The following SH3GL2 variants were observed in gnomAD, a reference collection of about 807,000 sequenced individuals.
SH3GL2 encodes SH3 domain containing GRB2 like 2, endophilin A1, also known as endophilin-A1.
In SH3GL2, 24 loss-of-function variants were observed where a neutral mutation model predicts 46.0. That is an observed-to-expected ratio of 0.52 (90% CI 0.38 to 0.73). The LOEUF (loss-of-function observed/expected upper bound fraction) is 0.73, where lower values mean the gene tolerates loss of function less well. Ranked by LOEUF, SH3GL2 falls within the 30% of genes least tolerant of loss-of-function variation. The pLI, the probability that SH3GL2 is intolerant of heterozygous loss-of-function variation, is 0.00. For missense variants in SH3GL2, 413 were observed against 424.2 expected, an observed-to-expected ratio of 0.97 and a Z score of 0.23; for synonymous variants, 196 against 147.1, an observed-to-expected ratio of 1.33 and a Z score of -2.40.
At chr9:17,756,279 C>T (rs940533977) in intron 2 of SH3GL2, among the ~76,000 whole-genome samples, 1 of 151,704 alleles carries the variant, frequency 6.6e-6, no homozygotes, top group African/African-American at 2.4e-5. Context: ...AAAAAACATG[C>T]CTGTATCTGT....
At chr9:17,659,941 C>T (rs1820174083) in intron 1 of SH3GL2, among the ~76,000 whole-genome samples, 1 of 152,146 alleles carries the variant, frequency 6.6e-6, no homozygotes, top group Non-Finnish European at 1.5e-5. Context: ...TTACTTTCCC[C>T]AGTCTGTAAA....
At chr9:17,723,904 A>G (rs555695523) in intron 1 of SH3GL2, among the ~76,000 whole-genome samples, 29 of 152,032 alleles carry the variant, frequency 1.9e-4, no homozygotes, top group Non-Finnish European at 3.7e-4. Flanking sequence ...GAAATTCATA[A>G]TTTTTCTCTT....
intron 1 of SH3GL2, among the ~76,000 whole-genome samples, chr9:17,651,631 C>A (rs1014506006): frequency 3.9e-5 from 6 of 152,048 alleles, no homozygotes; most frequent in African/African-American, 1.4e-4. Context: ...GTGATAAATT[C>A]TTTCTGCTTT....
intron 1 of SH3GL2, among the ~76,000 whole-genome samples, chr9:17,599,457 T>C (rs758681067): frequency 5.9e-5 from 9 of 152,256 alleles, no homozygotes; most frequent in African/African-American, 9.6e-5. Context: ...CTTTCTGGGA[T>C]CCAGTTAGGC....
chr9:17,622,982 T>TTCCCTTTCCTTTCCG (rs1563786408), intron 1 of SH3GL2, among the ~76,000 whole-genome samples: 1 of 77,262 alleles, frequency 1.3e-5, no homozygotes, highest in East Asian at 4.1e-4. Context: ...TTTCGTTTCC[T>TTCCCTTTCCTTTCCG]TTCGTTTCCT....
intron 1 of SH3GL2, among the ~76,000 whole-genome samples, chr9:17,582,717 T>C (rs1818299265): frequency 6.6e-6 from 1 of 152,250 alleles, no homozygotes; most frequent in South Asian, 2.1e-4. Context: ...GTTTCCCACT[T>C]CTTGAGACAA....
At position 17,620,893 on chromosome 9, in the gene SH3GL2, T is replaced by G. The variant is rs561944389; in HGVS notation, c.45+41606T>G. 5.4e-4 allele frequency among the ~76,000 whole-genome samples: 83 copies of G among 152,294 alleles called. 2 individuals are homozygous for G. In the South Asian group the frequency reaches 0.016, roughly 30 times the overall value. ...AAGGGGGAGGTAAGCAGAGGGGCATTATCTTCAAAATATTTGGAGTCAGTA... is the reference window on the plus strand; with the variant it reads ...AAGGGGGAGGTAAGCAGAGGGGCATGATCTTCAAAATATTTGGAGTCAGTA... On this transcript the variant is annotated intron_variant, in intron 1 of 8. Transcript: ENST00000380607.
intron 1 of SH3GL2, among the ~76,000 whole-genome samples, chr9:17,609,671 T>C (rs1203900596): frequency 6.6e-6 from 1 of 152,258 alleles, no homozygotes; most frequent in Non-Finnish European, 1.5e-5. Flanking sequence ...CGTTTAGATA[T>C]GTACTTGATA....
At chr9:17,666,991 CT>C (rs1413131882) in intron 1 of SH3GL2, among the ~76,000 whole-genome samples, 1 of 151,946 alleles carries the variant, frequency 6.6e-6, no homozygotes, top group Non-Finnish European at 1.5e-5. Flanking sequence ...TTGTCATTTG[CT>C]TTTATTATGT....
intron 1 of SH3GL2, among the ~76,000 whole-genome samples, chr9:17,725,646 C>T (rs1040608776): frequency 2.0e-5 from 3 of 152,096 alleles, no homozygotes; most frequent in Admixed American, 6.6e-5. Flanking sequence ...TGCCTCTCTT[C>T]GTGTGGAATG....
chr9:17,733,690 A>G lies in SH3GL2; in HGVS notation c.46-13376A>G, dbSNP rs192664366. Among the ~76,000 whole-genome samples the G allele has an allele frequency of 4.6e-5, 7 of 152,200 alleles. No individual in the cohort carries two copies. In the East Asian group the frequency reaches 9.7e-4, roughly 21 times the overall value. Reference sequence around the variant, plus strand: ...GCACACATGTGTTTATTGCGGCACTATTCACAATAGCAAAGACTTGGAACC... The same window carrying G: ...GCACACATGTGTTTATTGCGGCACTGTTCACAATAGCAAAGACTTGGAACC... On this transcript the variant is annotated intron_variant, in intron 1 of 8. Transcript: ENST00000380607.
At chr9:17,651,189 T>C (rs1319238712) in intron 1 of SH3GL2, among the ~76,000 whole-genome samples, 1 of 152,200 alleles carries the variant, frequency 6.6e-6, no homozygotes, top group Non-Finnish European at 1.5e-5. Context: ...GAAAAAAATG[T>C]CTAAGCCATT....
intron 5 of SH3GL2, among the ~76,000 whole-genome samples, chr9:17,788,778 G>GT (rs1824034517): frequency 2.6e-5 from 4 of 152,060 alleles, no homozygotes; most frequent in Admixed American, 6.6e-5. Flanking sequence ...CTAAATCACT[G>GT]GATTTAGTTT....
At chr9:17,620,581 T>C (rs1050811881) in intron 1 of SH3GL2, among the ~76,000 whole-genome samples, 6 of 151,870 alleles carry the variant, frequency 4.0e-5, no homozygotes, top group Non-Finnish European at 5.9e-5. Flanking sequence ...CAGAAGAGGG[T>C]TGGTGCAGTA....
intron 1 of SH3GL2, among the ~76,000 whole-genome samples, chr9:17,586,224 C>G (rs753808807): frequency 6.6e-6 from 1 of 152,102 alleles, no homozygotes; most frequent in African/African-American, 2.4e-5. Flanking sequence ...AATCTCCCTC[C>G]GCCATCCCCT....
intron 1 of SH3GL2, among the ~76,000 whole-genome samples, chr9:17,683,913 C>T (rs953463909): frequency 6.6e-6 from 1 of 152,098 alleles, no homozygotes; most frequent in Non-Finnish European, 1.5e-5. Flanking sequence ...CTCCTGACTC[C>T]TGACTAAATT....
chr9:17,790,065 G>C (rs1824079670), intron 6 of SH3GL2, among the ~76,000 whole-genome samples: 1 of 152,146 alleles, frequency 6.6e-6, no homozygotes, highest in African/African-American at 2.4e-5. Context: ...GGCATCAGTA[G>C]TACTGGTGCA....
At position 17,774,462 on chromosome 9, in the gene SH3GL2, C is replaced by T. The variant is rs141095830; in HGVS notation, c.188-11919C>T. On this transcript the variant is annotated intron_variant, in intron 3 of 8. Transcript: ENST00000380607. ...TTGTACCATGTTGAGGTAATTTCTT[C>T]CTATTCCTAGCTTATTGTTTTTATC... Among the ~76,000 whole-genome samples, 74 of 151,856 alleles carry T rather than the reference C, an allele frequency of 4.9e-4. 1 individual carries two copies. Among genetic ancestry groups the T allele is most frequent in the Middle Eastern group, 3.4e-3 (1 of 290 alleles).
At chr9:17,699,006 C>T (rs1588252288) in intron 1 of SH3GL2, among the ~76,000 whole-genome samples, 1 of 151,606 alleles carries the variant, frequency 6.6e-6, no homozygotes, top group African/African-American at 2.4e-5. Context: ...ATACAAAAAA[C>T]TAGCCAGGCA....
Sources: gnomAD v4.1 joint callset for allele counts (sites outside exome capture counted in the v4.1 genomes callset) on GRCh38, gnomAD v4.1.1 for gene constraint, MANE v1.5 for transcripts, NCBI Gene and HGNC (gene_info 2026-07-23, HGNC 2026-07-21) for gene names.